The following FAM184A variants were observed in gnomAD, a reference collection of about 807,000 sequenced individuals.
FAM184A encodes family with sequence similarity 184 member A.
Under a neutral mutation model 143.8 loss-of-function variants are expected in FAM184A, and 99 were observed. The observed-to-expected ratio is 0.69, with a 90% CI of 0.58 to 0.81. The LOEUF (loss-of-function observed/expected upper bound fraction) is 0.81, where lower values mean the gene tolerates loss of function less well. FAM184A is among the 40% of genes least tolerant of loss of function. FAM184A has a pLI of 0.00. For missense variants in FAM184A, 1,217 were observed against 1,310.5 expected (o/e 0.93, Z 1.10); for synonymous variants, 427 against 446.4 (o/e 0.96, Z 0.55).
chr6:119,062,394 T>C (rs184945752), intron 1 of FAM184A, among the ~76,000 whole-genome samples: 1 of 152,292 alleles, frequency 6.6e-6, no homozygotes, highest in East Asian at 1.9e-4. Flanking sequence ...CCTGGCATGG[T>C]GGCTCACATC....
Position 119,003,546 on chromosome 6 carries a change from T to C in FAM184A, c.1892A>G (p.Asp631Gly). The change falls in exon 8 of 18, where the codon GAC becomes GGC. Residue 631 changes from aspartate to glycine, a missense_variant. By Grantham distance (94) the Asp-to-Gly change is moderately conservative. Coordinates refer to ENST00000338891, the MANE Select transcript of FAM184A (RefSeq NM_024581.6). Reference sequence around the variant, plus strand: ...AATTTCTAAGTCATGGGCCATTTTGTCCACTTTGAGCTTCTCTTCTTCTTT... The same window carrying C: ...AATTTCTAAGTCATGGGCCATTTTGCCCACTTTGAGCTTCTCTTCTTCTTT... Reference protein sequence around the residue: ...AMKEEEKLKVDKMAHDLEIKW... With the variant: ...AMKEEEKLKVGKMAHDLEIKW... 6.2e-7 allele frequency: 1 copy of C among 1,613,336 alleles called. No individual in the cohort carries two copies. Among genetic ancestry groups the C allele is most frequent in the South Asian group, 1.1e-5 (1 of 90,976 alleles).
intron 1 of FAM184A, among the ~76,000 whole-genome samples, chr6:119,072,009 C>T (rs549024207): frequency 1.3e-5 from 2 of 151,854 alleles, no homozygotes; most frequent in African/African-American, 2.4e-5. Context: ...TTACAAGCAC[C>T]CACCACCACA....
intron 1 of FAM184A, among the ~76,000 whole-genome samples, chr6:119,094,876 C>A (rs1037618972): frequency 6.6e-6 from 1 of 152,148 alleles, no homozygotes; most frequent in Non-Finnish European, 1.5e-5. Flanking sequence ...TGAGAATGGC[C>A]CTGCAAAAGA....
In FAM184A at chr6:119,006,627, C is replaced by T. The variant is rs76951021; in HGVS notation, c.1654-19G>A. ...GGCCAATCTGTAAGTAAATAGAGTACTTTTAATATATTTCATTGTAATAGA... is the reference window on the plus strand; with the variant it reads ...GGCCAATCTGTAAGTAAATAGAGTATTTTTAATATATTTCATTGTAATAGA... On this transcript the variant is annotated intron_variant, in intron 6 of 17. Coordinates refer to ENST00000338891, the MANE Select transcript of FAM184A (RefSeq NM_024581.6). The T allele has an allele frequency of 1.1e-3, 1,721 of 1,564,088 alleles. 12 individuals are homozygous for T. In the African/African-American group the frequency reaches 0.02, roughly 19 times the overall value.
At chr6:118,979,546 T>C (rs780883812) in intron 10 of FAM184A, 28 bp from the exon 11 acceptor site, 2 of 1,549,840 alleles carry the variant, frequency 1.3e-6, no homozygotes, top group Non-Finnish European at 1.7e-6. Context: ...CAAATTATTA[T>C]GCTAGAATAT....
Position 118,980,302 on chromosome 6 carries a change from T to C in FAM184A, c.2137A>G (p.Thr713Ala). 6.2e-7 allele frequency: 1 copy of C among 1,614,012 alleles called. No homozygotes were observed. The highest frequency in any genetic ancestry group is 8.5e-7 in the Non-Finnish European group (1 of 1,179,920). Residue 713 changes from threonine to alanine, a missense_variant, in exon 10 of 18, where the codon ACT becomes GCT. Physicochemically the swap from Thr to Ala is moderately conservative, Grantham distance 58. Coordinates refer to ENST00000338891, the MANE Select transcript of FAM184A (RefSeq NM_024581.6). ...TGGGCTTGCAGTTGTTGCAAAGAAG[T>C]CTGAGACTGGGAAAGCTGTATCTCC... Reference protein sequence around the residue: ...NLEIQLSQSQTSLQQLQAQFT... With the variant: ...NLEIQLSQSQASLQQLQAQFT...
At chr6:118,998,357 C>A (rs543089488) in intron 9 of FAM184A, among the ~76,000 whole-genome samples, 1 of 152,210 alleles carries the variant, frequency 6.6e-6, no homozygotes, top group Non-Finnish European at 1.5e-5. Flanking sequence ...TCTGTTCACT[C>A]TATTCAACAA....
intron 1 of FAM184A, among the ~76,000 whole-genome samples, chr6:119,068,250 T>C (rs974778300): frequency 6.6e-6 from 1 of 152,122 alleles, no homozygotes; most frequent in Non-Finnish European, 1.5e-5. Context: ...TTTCACCATG[T>C]TGGCCAGGCT....
Position 118,975,071 on chromosome 6 carries a change from C to T in FAM184A, c.2721G>A (p.Lys907=), listed in dbSNP as rs1783806076. The T allele has an allele frequency of 3.1e-6, 5 of 1,613,198 alleles. No individual in the cohort carries two copies. The South Asian group carries it at 4.4e-5, about 14-fold the overall frequency. ...ISALTKELEF[K]GKEILRIRSE... ...TTCGTATTCTGAGAATTTCTTTCCC[C>T]TTAAATTCCAGTTCTTTGGTTAGGG... Residue 907 remains lysine (K), a synonymous_variant, in exon 13 of 18, where the codon AAG becomes AAA. Coordinates refer to ENST00000338891, the MANE Select transcript of FAM184A (RefSeq NM_024581.6).
chr6:119,121,650 G>T (rs978227425), intron 1 of FAM184A, among the ~76,000 whole-genome samples: 1 of 152,154 alleles, frequency 6.6e-6, no homozygotes, highest in Non-Finnish European at 1.5e-5. Context: ...TAAGATATTT[G>T]CTGTCAGTTG....
intron 1 of FAM184A, among the ~76,000 whole-genome samples, chr6:119,113,772 T>C (rs1324963036): frequency 1.3e-5 from 2 of 152,028 alleles, no homozygotes; most frequent in Non-Finnish European, 2.9e-5. Flanking sequence ...AGACCCCCTG[T>C]CTCTACTAAA....
chr6:119,108,493 C>G (rs1277444267), intron 1 of FAM184A, among the ~76,000 whole-genome samples: 1 of 152,048 alleles, frequency 6.6e-6, no homozygotes, highest in Non-Finnish European at 1.5e-5. Context: ...TTTTCTTTGC[C>G]TCTGCCGAAA....
chr6:119,146,378 G>A (rs1213898982), intron 1 of FAM184A, among the ~76,000 whole-genome samples: 1 of 149,998 alleles, frequency 6.7e-6, no homozygotes, highest in Non-Finnish European at 1.5e-5. Flanking sequence ...GCTCTTCAGT[G>A]CCTTTCCCGA....
chr6:119,092,036 A>G (rs1209469631), intron 1 of FAM184A, among the ~76,000 whole-genome samples: 1 of 152,158 alleles, frequency 6.6e-6, no homozygotes, highest in Admixed American at 6.5e-5. Context: ...AGAGCCTCTC[A>G]GTGATGGATG....
chr6:119,103,324 A>G (rs1029925697), intron 1 of FAM184A, among the ~76,000 whole-genome samples: 2 of 152,120 alleles, frequency 1.3e-5, no homozygotes, highest in African/African-American at 2.4e-5. Flanking sequence ...CCCCAAATCT[A>G]TTTACTGACT....
chr6:119,011,602 TC>T (rs1365111401), intron 5 of FAM184A, among the ~76,000 whole-genome samples, 171 bp from the exon 6 acceptor site: 8 of 152,316 alleles, frequency 5.3e-5, no homozygotes, highest in African/African-American at 1.4e-4. Flanking sequence ...TGGCTTAGAT[TC>T]TATCATTCTG....
chr6:119,056,263 T>C (rs1786969541), intron 1 of FAM184A, among the ~76,000 whole-genome samples: 1 of 152,188 alleles, frequency 6.6e-6, no homozygotes, highest in African/African-American at 2.4e-5. Flanking sequence ...AAATGCTAGA[T>C]TGAGACAAGA....
chr6:119,023,932 G>T (rs760929300), intron 2 of FAM184A, 27 bp downstream of exon 2: 12 of 1,512,906 alleles, frequency 7.9e-6, no homozygotes, highest in Non-Finnish European at 1.1e-5. Flanking sequence ...AAAAATCCAT[G>T]TGTTGAATAT....
At chr6:119,015,428 CG>C in intron 5 of FAM184A, among the ~76,000 whole-genome samples, 1 of 152,176 alleles carries the variant, frequency 6.6e-6, no homozygotes, top group Non-Finnish European at 1.5e-5. Context: ...AGCGGCCGGC[CG>C]GCCCTGCGGG....
Sources: allele counts gnomAD v4.1 joint callset (sites outside exome capture counted in the v4.1 genomes callset), GRCh38; gene constraint gnomAD v4.1.1; transcripts MANE v1.5; gene names NCBI Gene and HGNC (gene_info 2026-07-23, HGNC 2026-07-21).